CSMD1: variants seen among roughly 807,000 people sequenced by gnomAD.
CSMD1 encodes the protein CUB and sushi domain-containing protein 1.
In CSMD1, 213 loss-of-function variants were observed where a neutral mutation model predicts 417.5. The observed-to-expected ratio is 0.51, with a 90% CI of 0.46 to 0.57. The LOEUF is 0.57. Ranked by LOEUF, CSMD1 falls within the 20% of genes least tolerant of loss-of-function variation. The pLI, the probability that CSMD1 is intolerant of heterozygous loss-of-function variation, is 0.00. For missense variants in CSMD1, 6,923 were observed against 4,529.7 expected (o/e 1.53, Z -15.17); for synonymous variants, 2,862 against 1,736.8 (o/e 1.65, Z -16.11).
chr8:4,807,071 A>G (rs191834398), intron 1 of CSMD1, among the ~76,000 whole-genome samples: 80 of 152,312 alleles, frequency 5.3e-4, no homozygotes, highest in African/African-American at 1.8e-3. Context: ...AGAATTAAAT[A>G]TTTTTATTCT....
intron 3 of CSMD1, among the ~76,000 whole-genome samples, chr8:4,397,726 CA>C (rs1304628905): frequency 6.6e-6 from 1 of 151,560 alleles, no homozygotes; most frequent in Non-Finnish European, 1.5e-5. Flanking sequence ...ATTTGAATCT[CA>C]AAATACAAAT....
intron 3 of CSMD1, among the ~76,000 whole-genome samples, chr8:4,374,970 G>T (rs948181643): frequency 7.5e-6 from 1 of 133,478 alleles, no homozygotes; most frequent in Non-Finnish European, 1.6e-5. Context: ...GTGGGGGGGG[G>T]GGGCGATAGT....
chr8:3,223,943 C>T lies in CSMD1; in HGVS notation c.4346-76G>A, dbSNP rs1176299434. 7.1e-6 allele frequency: 10 copies of T among 1,417,756 alleles called. No individual in the cohort carries two copies. In the Admixed American group the frequency reaches 1.3e-4, roughly 18 times the overall value. 87.8% of individuals were successfully genotyped at this position (1,417,756 alleles called of 1,614,324 possible). A position where few individuals can be genotyped will look rare whatever the true frequency, so the allele number is the denominator to read the frequency against. On this transcript the variant is annotated intron_variant, in intron 27 of 69. Transcript: ENST00000635120. ...CTGCCAGTCAGTGTGGAAGGAGACACCACAGAATTCTTTAAGAAAAAGACA... is the reference window on the plus strand; with the variant it reads ...CTGCCAGTCAGTGTGGAAGGAGACATCACAGAATTCTTTAAGAAAAAGACA...
At chr8:4,234,966 G>A (rs959892176) in intron 3 of CSMD1, among the ~76,000 whole-genome samples, 2 of 152,150 alleles carry the variant, frequency 1.3e-5, no homozygotes, top group South Asian at 2.1e-4. Flanking sequence ...GGGTGTTCAT[G>A]ACCTCATGGA....
intron 3 of CSMD1, among the ~76,000 whole-genome samples, chr8:4,126,041 C>G (rs373515898): frequency 1.3e-5 from 2 of 152,148 alleles, no homozygotes; most frequent in Admixed American, 6.6e-5. Context: ...ACCACCAAGA[C>G]TTTTAATCTG....
intron 6 of CSMD1, among the ~76,000 whole-genome samples, chr8:3,743,349 C>T (rs945073568): frequency 2.6e-5 from 4 of 152,188 alleles, no homozygotes; most frequent in African/African-American, 4.8e-5. Flanking sequence ...TGCTTTTGCT[C>T]TTTAGAAAAA....
chr8:4,023,968 A>G (rs907121909), intron 4 of CSMD1, among the ~76,000 whole-genome samples: 18 of 151,760 alleles, frequency 1.2e-4, no homozygotes, highest in Admixed American at 9.9e-4. Context: ...GAGCGACTTC[A>G]TTATTATTAT....
At chr8:3,986,758 G>A (rs1382677668) in intron 5 of CSMD1, among the ~76,000 whole-genome samples, 1 of 127,486 alleles carries the variant, frequency 7.8e-6, no homozygotes, top group African/African-American at 3.1e-5. Context: ...ATGTTTAAGT[G>A]ATTTTTCTTT....
chr8:3,044,551 A>G (rs1311383450), intron 50 of CSMD1, among the ~76,000 whole-genome samples: 1 of 152,134 alleles, frequency 6.6e-6, no homozygotes, highest in African/African-American at 2.4e-5. Context: ...GTTAATACCA[A>G]TAGCCCTCAC....
At chr8:4,423,843 T>C (rs1797395591) in intron 2 of CSMD1, among the ~76,000 whole-genome samples, 1 of 152,040 alleles carries the variant, frequency 6.6e-6, no homozygotes, top group Non-Finnish European at 1.5e-5. Flanking sequence ...TAAGACTATT[T>C]GGTATCGGCA....
At chr8:3,927,332 A>G (rs1480177311) in intron 5 of CSMD1, among the ~76,000 whole-genome samples, 6 of 151,976 alleles carry the variant, frequency 3.9e-5, no homozygotes, top group Non-Finnish European at 8.8e-5. Context: ...TAAGAACTTT[A>G]TGAGTATTCA....
intron 3 of CSMD1, among the ~76,000 whole-genome samples, chr8:4,036,281 GT>G (rs1181868729): frequency 6.6e-6 from 1 of 152,118 alleles, no homozygotes; most frequent in African/African-American, 2.4e-5. Context: ...TCAAGATGCT[GT>G]TGTTATGGTC....
At chr8:4,807,984 C>T (rs1029844278) in intron 1 of CSMD1, among the ~76,000 whole-genome samples, 2 of 152,160 alleles carry the variant, frequency 1.3e-5, no homozygotes, top group African/African-American at 4.8e-5. Context: ...ACTTCCCAAA[C>T]AGTAAAATAC....
intron 49 of CSMD1, among the ~76,000 whole-genome samples, chr8:3,055,588 T>C (rs766228444): frequency 2.0e-5 from 3 of 152,230 alleles, no homozygotes; most frequent in Admixed American, 6.5e-5. Flanking sequence ...CATCCATAGA[T>C]CACTATTTTT....
chr8:3,384,385 T>A (rs1448908662), intron 18 of CSMD1, among the ~76,000 whole-genome samples: 1 of 151,914 alleles, frequency 6.6e-6, no homozygotes, highest in Non-Finnish European at 1.5e-5. Flanking sequence ...TTCTACAAAA[T>A]GGAATAATTA....
intron 5 of CSMD1, among the ~76,000 whole-genome samples, chr8:3,995,392 T>C (rs190003648): frequency 6.6e-6 from 1 of 152,170 alleles, no homozygotes; most frequent in Non-Finnish European, 1.5e-5. Context: ...AAACACTCTG[T>C]TGACCCACGA....
At chr8:4,525,409 C>A (rs1037301344) in intron 2 of CSMD1, among the ~76,000 whole-genome samples, 2 of 152,120 alleles carry the variant, frequency 1.3e-5, no homozygotes, top group African/African-American at 2.4e-5. Flanking sequence ...AACTGTCATT[C>A]CCAACAATGG....
intron 5 of CSMD1, among the ~76,000 whole-genome samples, chr8:3,910,542 C>T (rs551598133): frequency 6.6e-6 from 1 of 152,240 alleles, no homozygotes; most frequent in Non-Finnish European, 1.5e-5. Flanking sequence ...TCAAATGGTG[C>T]CTTCAGAATA....
At chr8:3,802,315 A>C (rs1337950651) in intron 5 of CSMD1, among the ~76,000 whole-genome samples, 2 of 152,174 alleles carry the variant, frequency 1.3e-5, no homozygotes, top group African/African-American at 4.8e-5. Context: ...ATTGCCATTT[A>C]TTATAGTAAT....
Sources: allele counts gnomAD v4.1 joint callset (sites outside exome capture counted in the v4.1 genomes callset), GRCh38; gene constraint gnomAD v4.1.1; transcripts MANE v1.5; gene names NCBI Gene and HGNC (gene_info 2026-07-23, HGNC 2026-07-21).